The following CDK14 variants were observed in gnomAD, a reference collection of about 807,000 sequenced individuals.
CDK14 encodes cyclin dependent kinase 14.
In CDK14, 34 loss-of-function variants were observed where a neutral mutation model predicts 60.7. The observed-to-expected ratio is 0.56, with a 90% CI of 0.43 to 0.75. The LOEUF (loss-of-function observed/expected upper bound fraction) is 0.75, where lower values mean the gene tolerates loss of function less well. CDK14 is among the 30% of genes least tolerant of loss of function. CDK14 has a pLI of 0.00. For missense variants in CDK14, 482 were observed against 564.1 expected (o/e 0.85, Z 1.47); for synonymous variants, 197 against 203.7 (o/e 0.97, Z 0.28).
intron 5 of CDK14, among the ~76,000 whole-genome samples, chr7:90,856,381 T>G (rs1790817486): frequency 6.6e-6 from 1 of 152,184 alleles, no homozygotes; most frequent in South Asian, 2.1e-4. Context: ...TCCTCTATTT[T>G]TTCATTCATT....
At chr7:90,881,994 T>TG (rs1427142476) in intron 6 of CDK14, among the ~76,000 whole-genome samples, 4 of 151,910 alleles carry the variant, frequency 2.6e-5, no homozygotes, top group African/African-American at 9.7e-5. Context: ...CACCAAAATA[T>TG]AAAGACCAAT....
chr7:90,639,462 T>G (rs1800259449), intron 2 of CDK14, among the ~76,000 whole-genome samples: 2 of 152,122 alleles, frequency 1.3e-5, no homozygotes, highest in Admixed American at 1.3e-4. Context: ...GTTACATGAA[T>G]GCTGCTGTCT....
intron 6 of CDK14, among the ~76,000 whole-genome samples, chr7:90,880,724 A>G (rs932931575): frequency 1.3e-5 from 2 of 152,134 alleles, no homozygotes; most frequent in African/African-American, 2.4e-5. Context: ...CCAGCAGAAG[A>G]AGCAGGCAAC....
intron 9 of CDK14, among the ~76,000 whole-genome samples, chr7:90,977,776 G>A (rs1795120935): frequency 3.9e-5 from 6 of 152,110 alleles, no homozygotes; most frequent in Admixed American, 3.9e-4. Flanking sequence ...CCAGGGGGAA[G>A]GAGGGTCGTG....
intron 5 of CDK14, among the ~76,000 whole-genome samples, chr7:90,815,224 G>T (rs1789300285): frequency 6.6e-6 from 1 of 152,056 alleles, no homozygotes; most frequent in Non-Finnish European, 1.5e-5. Context: ...TTTTCCTATT[G>T]CCATCAAAAT....
chr7:91,021,328 G>A (rs1388374092), intron 10 of CDK14, among the ~76,000 whole-genome samples: 1 of 152,148 alleles, frequency 6.6e-6, no homozygotes, highest in African/African-American at 2.4e-5. Flanking sequence ...TCAGTAAAAT[G>A]GGAGTAGTAA....
intron 4 of CDK14, among the ~76,000 whole-genome samples, chr7:90,753,026 G>A (rs1231296680): frequency 1.3e-5 from 2 of 152,032 alleles, no homozygotes; most frequent in African/African-American, 4.8e-5. Context: ...AAAAAGCCCA[G>A]GACTAGATTG....
intron 2 of CDK14, chr7:90,608,516 C>A (rs1563014330): frequency 1.0e-6 from 1 of 980,742 alleles, no homozygotes; most frequent in African/African-American, 1.8e-5. Context: ...CTGCTTTATC[C>A]CTCTGTTTTT....
At chr7:90,911,387 A>G (rs17163346) in intron 7 of CDK14, among the ~76,000 whole-genome samples, 4,242 of 152,296 alleles carry the variant, frequency 0.028, 201 homozygotes, top group East Asian at 0.18. Flanking sequence ...TAGAGTATCA[A>G]CCATGACAAA....
At chr7:90,903,679 A>G (rs1792594630) in intron 7 of CDK14, among the ~76,000 whole-genome samples, 1 of 152,170 alleles carries the variant, frequency 6.6e-6, no homozygotes, top group Non-Finnish European at 1.5e-5. Context: ...TAACAACAAT[A>G]CATTGCATAT....
intron 14 of CDK14, among the ~76,000 whole-genome samples, chr7:91,170,008 C>T (rs557836875): frequency 6.6e-6 from 1 of 152,294 alleles, no homozygotes; most frequent in African/African-American, 2.4e-5. Context: ...ATTGAGGTAC[C>T]TTCCACATTT....
intron 2 of CDK14, among the ~76,000 whole-genome samples, chr7:90,638,950 C>T (rs776005326): frequency 1.0e-3 from 159 of 152,238 alleles, no homozygotes; most frequent in Non-Finnish European, 1.9e-3. Flanking sequence ...GCATTCTTCA[C>T]GTAGTTCTCG....
At chr7:90,619,992 G>A (rs1368943340) in intron 2 of CDK14, among the ~76,000 whole-genome samples, 3 of 152,010 alleles carry the variant, frequency 2.0e-5, no homozygotes, top group South Asian at 2.1e-4. Context: ...CAAGACTCTC[G>A]AAACAACAAC....
chr7:90,917,315 A>G (rs927699353), intron 7 of CDK14, among the ~76,000 whole-genome samples: 1 of 152,140 alleles, frequency 6.6e-6, no homozygotes, highest in African/African-American at 2.4e-5. Context: ...AAAATTGATT[A>G]TTTACATTTT....
At chr7:91,123,583 A>G (rs1799848550) in intron 14 of CDK14, among the ~76,000 whole-genome samples, 2 of 152,266 alleles carry the variant, frequency 1.3e-5, no homozygotes, top group South Asian at 2.1e-4. Flanking sequence ...CCGGAATGCT[A>G]TTAGTTTCCC....
At chr7:90,738,444 A>G (rs1301405717) in intron 3 of CDK14, among the ~76,000 whole-genome samples, 1 of 152,244 alleles carries the variant, frequency 6.6e-6, no homozygotes, top group African/African-American at 2.4e-5. Flanking sequence ...TGGCAGGGTG[A>G]CAAACATTGT....
intron 4 of CDK14, among the ~76,000 whole-genome samples, chr7:90,781,992 A>G (rs1010142789): frequency 1.3e-5 from 2 of 152,170 alleles, no homozygotes; most frequent in African/African-American, 4.8e-5. Flanking sequence ...TATTGAATCT[A>G]TAAATTACCT....
intron 10 of CDK14, among the ~76,000 whole-genome samples, chr7:91,039,670 CTTTGGTCA>C (rs1476542572): frequency 6.6e-6 from 1 of 152,172 alleles, no homozygotes; most frequent in Non-Finnish European, 1.5e-5. Context: ...AATTTGCTCT[CTTTGGTCA>C]TTTCCATCTG....
intron 12 of CDK14, among the ~76,000 whole-genome samples, chr7:91,103,208 A>G (rs755489924): frequency 1.2e-4 from 18 of 152,040 alleles, no homozygotes; most frequent in Non-Finnish European, 2.2e-4. Flanking sequence ...AGCCGAGACC[A>G]TGCCACTGCA....
Sources: gnomAD v4.1 joint callset for allele counts (sites outside exome capture counted in the v4.1 genomes callset) on GRCh38, gnomAD v4.1.1 for gene constraint, MANE v1.5 for transcripts, NCBI Gene and HGNC (gene_info 2026-07-23, HGNC 2026-07-21) for gene names.